Variants in ERICH1 observed in about 807,000 individuals in gnomAD.
The protein encoded by ERICH1 is glutamate-rich protein 1.
A neutral mutation model predicts 39.6 loss-of-function variants in ERICH1; 56 were observed. The ratio of observed to expected loss-of-function variants is 1.41; its 90% confidence interval spans 1.14 to 1.77. The LOEUF (loss-of-function observed/expected upper bound fraction) is 1.77. Ranked by LOEUF, ERICH1 falls within the 40% of genes most tolerant of loss-of-function variation. The probability of loss-of-function intolerance (pLI) is 0.00; values close to 1 mark genes in which losing one functional copy is unlikely to be tolerated. For missense variants in ERICH1, 826 were observed against 575.4 expected (o/e 1.44, Z -4.45); for synonymous variants, 313 against 223.6 (o/e 1.40, Z -3.57).
rs1466148607 is a variant in ERICH1 at position 636,608 on chromosome 8, C to T, written c.977-21324G>A. Among the ~76,000 whole-genome samples the T allele has an allele frequency of 2.6e-5, 4 of 152,254 alleles. No individual in the cohort carries two copies. The East Asian group carries it at 7.7e-4, about 29-fold the overall frequency. On this transcript the variant is annotated intron_variant, in intron 3 of 3. Coordinates refer to the ERICH1 transcript ENST00000522706. ...TCAGCCCTGTCCACCAAACCCTCAG[C>T]ACTGTCCCACCAAATGCACAACAGC... is the stretch of plus-strand genomic sequence containing the variant.
At chr8:686,077 T>C (rs1355950854) in intron 3 of ERICH1, among the ~76,000 whole-genome samples, 1 of 151,868 alleles carries the variant, frequency 6.6e-6, no homozygotes, top group Admixed American at 6.6e-5. Context: ...GGAGGGCGGC[T>C]TAAACCCAGA....
At chr8:657,137 T>A (rs947734329) in intron 3 of ERICH1, among the ~76,000 whole-genome samples, 1 of 152,178 alleles carries the variant, frequency 6.6e-6, no homozygotes, top group Non-Finnish European at 1.5e-5. Flanking sequence ...ACTGTAACAA[T>A]AATGGTGATA....
intron 3 of ERICH1, among the ~76,000 whole-genome samples, chr8:692,129 A>G (rs972837437): frequency 1.3e-5 from 2 of 152,258 alleles, no homozygotes; most frequent in African/African-American, 4.8e-5. Flanking sequence ...CAAGAAAATA[A>G]TATTTTGCTA....
In ERICH1 at chr8:708,681, G is replaced by GTTTTTTTTTTTTTTTTTTTTTTTTT. The variant is rs139731216; in HGVS notation, c.169+7155_169+7179dup. On this transcript the variant is annotated intron_variant, in intron 2 of 5. Coordinates refer to ENST00000262109, the MANE Select transcript of ERICH1 (RefSeq NM_207332.3). ...GGGCTGAGTGGTTACGGGATAATGAGTTTTTTTTTTTTTTTTTTTTTTTTT... is the reference window on the plus strand; with the variant it reads ...GGGCTGAGTGGTTACGGGATAATGAGTTTTTTTTTTTTTTTTTTTTTTTTTTTTTTTTTTTTTTTTTTTTTTTTTT... Among the ~76,000 whole-genome samples, 14 of 65,812 alleles carry GTTTTTTTTTTTTTTTTTTTTTTTTT rather than the reference G, an allele frequency of 2.1e-4. 1 individual carries two copies. Among genetic ancestry groups the GTTTTTTTTTTTTTTTTTTTTTTTTT allele is most frequent in the Non-Finnish European group, 3.6e-4 (12 of 33,652 alleles). 43.2% of individuals were successfully genotyped at this position (65,812 alleles called of 152,430 possible).
At chr8:705,126 T>A (rs879614587) in intron 2 of ERICH1, among the ~76,000 whole-genome samples, 12 of 152,240 alleles carry the variant, frequency 7.9e-5, no homozygotes, top group Non-Finnish European at 1.5e-4. Flanking sequence ...CAAATATCAA[T>A]CAATTGGCTA....
chr8:637,505 AG>A (rs1798533924), intron 3 of ERICH1: 1 of 152,274 alleles, frequency 6.6e-6, no homozygotes, highest in Admixed American at 6.5e-5. Context: ...CTACAATCAG[AG>A]CCCCACATGC....
intron 3 of ERICH1, among the ~76,000 whole-genome samples, chr8:631,803 C>T (rs1320074402): frequency 6.6e-6 from 1 of 152,078 alleles, no homozygotes; most frequent in Non-Finnish European, 1.5e-5. Flanking sequence ...GACTAATTTT[C>T]TAGGATGACC....
At position 630,179 on chromosome 8, in the gene ERICH1, T is replaced by A. The variant is rs1259579382; in HGVS notation, c.977-14895A>T. 2.0e-3 allele frequency among the ~76,000 whole-genome samples: 233 copies of A among 116,220 alleles called. 2 individuals are homozygous for A. The highest frequency in any genetic ancestry group is 3.3e-3 in the Non-Finnish European group (190 of 57,076). 76.2% of individuals were successfully genotyped at this position (116,220 alleles called of 152,430 possible). A position where few individuals can be genotyped will look rare whatever the true frequency, so the allele number is the denominator to read the frequency against. The stretch of plus-strand genomic sequence containing the variant: ...GACCACCCACACAGACAGAGCTGAC[T>A]CACACCCTCCCGTGACCACCCAGAG... On this transcript the variant is annotated intron_variant, in intron 3 of 3. Transcript: ENST00000522706.
intron 4 of ERICH1, among the ~76,000 whole-genome samples, chr8:671,111 C>T (rs910949269): frequency 1.4e-4 from 22 of 151,768 alleles, no homozygotes; most frequent in Non-Finnish European, 2.8e-4. Flanking sequence ...GCTCACTGGT[C>T]CCCAGGCTCC....
intron 3 of ERICH1, among the ~76,000 whole-genome samples, chr8:621,245 C>T (rs921048558): frequency 6.6e-6 from 1 of 151,922 alleles, no homozygotes; most frequent in Non-Finnish European, 1.5e-5. Flanking sequence ...CACATCATGC[C>T]AATATTTATA....
chr8:687,674 G>A (rs1807764907), intron 3 of ERICH1, among the ~76,000 whole-genome samples: 1 of 152,174 alleles, frequency 6.6e-6, no homozygotes, highest in South Asian at 2.1e-4. Context: ...AGGCGAGGCA[G>A]GACGCAGCGC....
chr8:634,000 A>G (rs1798220104), intron 3 of ERICH1, among the ~76,000 whole-genome samples: 1 of 152,210 alleles, frequency 6.6e-6, no homozygotes, highest in African/African-American at 2.4e-5. Context: ...CCAAAGGCCC[A>G]GGCGACAACA....
intron 3 of ERICH1, among the ~76,000 whole-genome samples, chr8:681,786 C>G (rs554424828): frequency 6.6e-6 from 1 of 152,200 alleles, no homozygotes; most frequent in African/African-American, 2.4e-5. Flanking sequence ...AGAGACTGCC[C>G]GGCTGAGCCT....
At chr8:699,819 AAG>A (rs1811363891) in intron 2 of ERICH1, among the ~76,000 whole-genome samples, 1 of 70,204 alleles carries the variant, frequency 1.4e-5, no homozygotes, top group Non-Finnish European at 3.6e-5. Context: ...AGATCCGCAC[AAG>A]CGCACAGACC....
intron 3 of ERICH1, among the ~76,000 whole-genome samples, chr8:691,510 C>A (rs1358531121): frequency 6.6e-6 from 1 of 152,240 alleles, no homozygotes; most frequent in African/African-American, 2.4e-5. Context: ...GAGTGAGGGC[C>A]AACGCACTTC....
At chr8:639,786 A>G (rs888525325) in intron 3 of ERICH1, among the ~76,000 whole-genome samples, 3 of 127,480 alleles carry the variant, frequency 2.4e-5, no homozygotes, top group Non-Finnish European at 3.3e-5. Flanking sequence ...GTTAGCACAC[A>G]TGACCGAGCA....
At chr8:615,996 T>C (rs994632495) in intron 3 of ERICH1, 4 of 152,792 alleles carry the variant, frequency 2.6e-5, no homozygotes, top group African/African-American at 4.8e-5. Context: ...CTTGAAAATG[T>C]AGACGTTTGG....
At chr8:697,796 C>T (rs2132135222) in intron 2 of ERICH1, among the ~76,000 whole-genome samples, 1 of 152,266 alleles carries the variant, frequency 6.6e-6, no homozygotes, top group Admixed American at 6.5e-5. Flanking sequence ...GGACATGCAG[C>T]AGCAGCAGCA....
intron 1 of ERICH1, among the ~76,000 whole-genome samples, chr8:720,084 C>T (rs1283344926): frequency 6.6e-6 from 1 of 152,210 alleles, no homozygotes; most frequent in East Asian, 1.9e-4. Context: ...CTCCTCTTGT[C>T]TTCTGAACAC....
Sources: gnomAD v4.1 joint callset for allele counts (sites outside exome capture counted in the v4.1 genomes callset) on GRCh38, gnomAD v4.1.1 for gene constraint, MANE v1.5 for transcripts, NCBI Gene and HGNC (gene_info 2026-07-23, HGNC 2026-07-21) for gene names.